EVL: variants seen among roughly 807,000 people sequenced by gnomAD.
EVL encodes ena/VASP-like protein.
EVL carries 21 observed loss-of-function variants against 59.6 expected under a neutral mutation model. The observed-to-expected ratio is 0.35, with a 90% CI of 0.25 to 0.51. The LOEUF (loss-of-function observed/expected upper bound fraction) is 0.51, where lower values mean the gene tolerates loss of function less well. Among genes scored for constraint, EVL ranks in the 20% least tolerant of loss-of-function variants. The probability of loss-of-function intolerance (pLI) is 0.97; values close to 1 mark genes in which losing one functional copy is unlikely to be tolerated. For missense variants in EVL, 462 were observed against 546.6 expected (o/e 0.85, Z 1.54); for synonymous variants, 198 against 203.5 (o/e 0.97, Z 0.23).
At position 100,103,649 on chromosome 14, in the gene EVL, T is replaced by C. The variant is rs560878161; in HGVS notation, c.358+5991T>C. 1.5e-4 allele frequency among the ~76,000 whole-genome samples: 23 copies of C among 152,202 alleles called. 1 individual carries two copies. Among genetic ancestry groups the C allele is most frequent in the African/African-American group, 5.5e-4 (23 of 41,512 alleles). On this transcript the variant is annotated intron_variant, in intron 3 of 13. Transcript: ENST00000392920. ...CCCCAGGTGAGGATGAGGCGCCCCT[T>C]CTATGTGCTCCCCATGCTCCCCATT... is the stretch of plus-strand genomic sequence containing the variant.
At chr14:100,015,939 CCTG>C (rs1239534911) in intron 1 of EVL, among the ~76,000 whole-genome samples, 2 of 151,872 alleles carry the variant, frequency 1.3e-5, no homozygotes, top group African/African-American at 4.8e-5. Context: ...ATTAGCCAGG[CCTG>C]GTGGTGCATG....
Position 100,126,751 on chromosome 14 carries a change from AAAG to A in EVL, c.473_475del (p.Arg158del). 1.2e-6 allele frequency: 2 copies of A among 1,614,048 alleles called. No individual in the cohort carries two copies. Among genetic ancestry groups the A allele is most frequent in the East Asian group, 2.2e-5 (1 of 44,878 alleles). On this transcript the variant is annotated inframe_deletion, in exon 5 of 14. Coordinates refer to ENST00000392920, the MANE Select transcript of EVL (RefSeq NM_016337.3). The stretch of plus-strand genomic sequence containing the variant: ...CAGCAGCAGCGTCAGGAATCTCTAG[AAAG>A]AAGAACCTCGGCCACAGGTGAGAGC...
chr14:99,988,189 T>G (rs538602502), intron 1 of EVL, among the ~76,000 whole-genome samples: 4 of 152,222 alleles, frequency 2.6e-5, no homozygotes, highest in African/African-American at 9.6e-5. Flanking sequence ...GTGCTGGGAT[T>G]ACAGGTGTGA....
At chr14:100,089,863 T>G (rs2140308819) in intron 2 of EVL, among the ~76,000 whole-genome samples, 1 of 152,142 alleles carries the variant, frequency 6.6e-6, no homozygotes, top group Admixed American at 6.5e-5. Context: ...AGCCAAGGAG[T>G]TTGAGGCTGC....
At chr14:99,995,325 C>G (rs2060906097) in intron 1 of EVL, among the ~76,000 whole-genome samples, 1 of 152,048 alleles carries the variant, frequency 6.6e-6, no homozygotes, top group African/African-American at 2.4e-5. Flanking sequence ...TTTCTTTATT[C>G]TTTTTTCGTT....
intron 4 of EVL, among the ~76,000 whole-genome samples, chr14:100,125,122 C>CCACACACACACA (rs57005382): frequency 1.4e-4 from 14 of 103,100 alleles, no homozygotes; most frequent in African/African-American, 4.3e-4. Flanking sequence ...CAAGGCGGGA[C>CCACACACACACA]CACACACACA....
chr14:100,068,366 G>A (rs1036546465), intron 1 of EVL, among the ~76,000 whole-genome samples: 2 of 152,222 alleles, frequency 1.3e-5, no homozygotes, highest in Non-Finnish European at 2.9e-5. Flanking sequence ...CAGGCCCAAC[G>A]GCAAAGCCTG....
intron 1 of EVL, among the ~76,000 whole-genome samples, chr14:100,067,095 A>G (rs1446757113): frequency 1.3e-5 from 2 of 152,184 alleles, no homozygotes; most frequent in African/African-American, 4.8e-5. Flanking sequence ...GCAAAAGCCC[A>G]GGTTTTCTGG....
chr14:99,974,712 A>G (rs986638168), intron 1 of EVL: 1 of 152,452 alleles, frequency 6.6e-6, no homozygotes. Context: ...GCACCGGGAC[A>G]GTGGAGAGCT....
chr14:100,129,454 G>A, intron 6 of EVL, 109 bp from the exon 7 acceptor site: 1 of 1,511,176 alleles, frequency 6.6e-7, no homozygotes, highest in East Asian at 2.3e-5. Flanking sequence ...TTGCAGTGCT[G>A]CTGCCATAGG....
intron 1 of EVL, chr14:100,074,475 C>G (rs972730099): frequency 6.6e-5 from 10 of 152,162 alleles, no homozygotes; most frequent in African/African-American, 2.4e-4. Flanking sequence ...AAAGAAAATG[C>G]AAAAAGATGA....
At chr14:100,020,161 A>G (rs2061096040) in intron 1 of EVL, among the ~76,000 whole-genome samples, 1 of 152,144 alleles carries the variant, frequency 6.6e-6, no homozygotes, top group Non-Finnish European at 1.5e-5. Flanking sequence ...TCTTGTCTTC[A>G]TTATTTTTAG....
chr14:100,093,845 A>G (rs1033048705), intron 2 of EVL, among the ~76,000 whole-genome samples: 2 of 152,238 alleles, frequency 1.3e-5, no homozygotes, highest in African/African-American at 4.8e-5. Flanking sequence ...CCCAAGATCC[A>G]CTGCAGGCTG....
intron 1 of EVL, among the ~76,000 whole-genome samples, chr14:100,054,923 C>T (rs369656326): frequency 1.1e-4 from 16 of 152,236 alleles, no homozygotes; most frequent in South Asian, 2.1e-4. Context: ...GTGTCCTGGC[C>T]GGGCATGGTG....
chr14:100,094,849 A>C (rs1200420513), intron 2 of EVL, among the ~76,000 whole-genome samples: 1 of 152,072 alleles, frequency 6.6e-6, no homozygotes, highest in Admixed American at 6.5e-5. Context: ...AGACCATCCC[A>C]GCTAACACAG....
intron 8 of EVL, 62 bp from the exon 9 acceptor site, chr14:100,135,843 A>T (rs1023724302): frequency 1.3e-6 from 2 of 1,484,282 alleles, no homozygotes; most frequent in African/African-American, 1.4e-5. Context: ...GAAGTGTCCA[A>T]TGATGTCCTG....
At chr14:100,136,268 G>C (rs1294433100) in intron 9 of EVL, among the ~76,000 whole-genome samples, 2 of 152,264 alleles carry the variant, frequency 1.3e-5, no homozygotes, top group African/African-American at 2.4e-5. Context: ...CACATATTCA[G>C]GGTGGGAGTT....
rs1886773335 is a variant in EVL at position 100,109,084 on chromosome 14, G to A, written c.358+11426G>A. 5.3e-5 allele frequency among the ~76,000 whole-genome samples: 8 copies of A among 152,260 alleles called. No individual in the cohort carries two copies. In the South Asian group the frequency reaches 1.5e-3, roughly 28 times the overall value. ...GGGACCATGTCCAGCAGTGAAGGCT[G>A]TGCATTGGCCTGAGCCCCTGGTCCC... On this transcript the variant is annotated intron_variant, in intron 3 of 13. Coordinates refer to ENST00000392920, the MANE Select transcript of EVL (RefSeq NM_016337.3). This position sits in a 1 kb window ranked among gnomAD's most constrained non-coding sequence, Gnocchi z 4.3.
intron 2 of EVL, among the ~76,000 whole-genome samples, chr14:100,095,586 G>A (rs1885751316): frequency 1.3e-5 from 2 of 152,304 alleles, no homozygotes; most frequent in East Asian, 1.9e-4. Context: ...TGGTTTAGCT[G>A]TGTGTGCATG....
Sources: allele counts gnomAD v4.1 joint callset (sites outside exome capture counted in the v4.1 genomes callset), GRCh38; gene constraint gnomAD v4.1.1; non-coding constraint Gnocchi (gnomAD v3.1); transcripts MANE v1.5; gene names NCBI Gene and HGNC (gene_info 2026-07-23, HGNC 2026-07-21).